Variants in TFR2 observed in about 807,000 individuals in gnomAD.
TFR2 encodes the protein transferrin receptor 2, also known as transferrin receptor protein 2.
TFR2 carries 64 observed loss-of-function variants against 91.9 expected under a neutral mutation model. The ratio of observed to expected loss-of-function variants is 0.70; its 90% CI spans 0.57 to 0.86. TFR2 has a LOEUF of 0.86. TFR2 is among the 40% of genes least tolerant of loss of function. The pLI is 0.00. For synonymous variants in TFR2, 454 were observed against 459.6 expected (o/e 0.99, Z 0.15); for missense variants, 950 against 1,080.5 (o/e 0.88, Z 1.69).
rs535869195 is a variant in TFR2 at position 100,629,365 on chromosome 7, G to A, written c.1278C>T (p.Tyr426=). 1.7e-5 allele frequency: 27 copies of A among 1,613,902 alleles called. No individual in the cohort carries two copies. Among genetic ancestry groups the A allele is most frequent in the South Asian group, 8.8e-5 (8 of 91,074 alleles). The change falls in exon 10 of 18, where the codon TAC becomes TAT. Residue 426 remains tyrosine, a synonymous_variant. Transcript: ENST00000223051. ...CIEGRSEPDH[Y]VVIGAQRDAW... ...CATCCCTCTGGGCCCCGATGACAACGTAGTGATCTGGGGAGGGGATGTTTG... is the reference window on the plus strand; with the variant it reads ...CATCCCTCTGGGCCCCGATGACAACATAGTGATCTGGGGAGGGGATGTTTG...
Position 100,631,852 on chromosome 7 carries a change from T to C in TFR2, c.1060A>G (p.Ile354Val). The C allele has an allele frequency of 6.2e-7, 1 of 1,613,788 alleles. No homozygotes were observed. The highest frequency in any genetic ancestry group is 2.2e-5 in the East Asian group (1 of 44,824). Residue 354 changes from isoleucine to valine, a missense_variant, in exon 8 of 18, where the codon ATC becomes GTC. Physicochemically the swap from Ile to Val is conservative, Grantham distance 29. Coordinates refer to ENST00000223051, the MANE Select transcript of TFR2 (RefSeq NM_003227.4). ...TCTGCACTGATGGGCTGGGCTGGGATGCTGGGAAGGCCTGATGATGCAACT... is the reference window on the plus strand; with the variant it reads ...TCTGCACTGATGGGCTGGGCTGGGACGCTGGGAAGGCCTGATGATGCAACT... ...PPVASSGLPSIPAQPISADIA... is the reference protein window; with the variant it reads ...PPVASSGLPSVPAQPISADIA...
At chr7:100,638,431 G>A (rs530548625) in intron 3 of TFR2, among the ~76,000 whole-genome samples, 1 of 151,804 alleles carries the variant, frequency 6.6e-6, no homozygotes, top group African/African-American at 2.4e-5. Flanking sequence ...GGGCAACATA[G>A]GGAGACCTCG....
In TFR2 at chr7:100,633,494, A is replaced by G; in HGVS notation, c.536T>C (p.Ile179Thr). 2 of 1,611,740 alleles carry G rather than the reference A, an allele frequency of 1.2e-6. No homozygotes were observed. The highest frequency in any genetic ancestry group is 1.7e-6 in the Non-Finnish European group (2 of 1,179,866). ...CTTCTGGCGGGAGAGCGCCGCGCGAATGTCCTGAGTCAGAGCGGCCATCCC... is the reference window on the plus strand; with the variant it reads ...CTTCTGGCGGGAGAGCGCCGCGCGAGTGTCCTGAGTCAGAGCGGCCATCCC... ...SAGMAALTQD[I>T]RAALSRQKLD... The change falls in exon 4 of 18, where the codon ATT becomes ACT. Residue 179 changes from isoleucine to threonine, a missense_variant. Physicochemically the swap from Ile to Thr is moderately conservative, Grantham distance 89. Transcript: ENST00000223051.
chr7:100,626,549 C>G, intron 17 of TFR2: 1 of 1,402,874 alleles, frequency 7.1e-7, no homozygotes, highest in Non-Finnish European at 9.3e-7. Flanking sequence ...GAGGCTGGCC[C>G]TCCCTGTCCA....
chr7:100,627,223 T>A (rs1451129667), intron 16 of TFR2, 41 bp downstream of exon 16: 1 of 1,535,628 alleles, frequency 6.5e-7, no homozygotes, highest in East Asian at 2.4e-5. Context: ...GGGCAGTGCC[T>A]CCCACTCCCA....
rs571430574 is a variant in TFR2 at position 100,621,138 on chromosome 7, G to T, written c.2137-12C>A. The T allele has an allele frequency of 7.3e-6, 11 of 1,503,728 alleles. No individual in the cohort carries two copies. Among genetic ancestry groups the T allele is most frequent in the East Asian group, 2.5e-5 (1 of 40,252 alleles). The allele number at this position is 1,503,728 out of a possible 1,614,324, so 93.1% of individuals were successfully genotyped here. ...AAGTAGAACTCCACCTGCGCAGAGAGGGGGATCAGGTCAGGGTTGGGGGCT... is the reference window on the plus strand; with the variant it reads ...AAGTAGAACTCCACCTGCGCAGAGATGGGGATCAGGTCAGGGTTGGGGGCT... On this transcript the variant is annotated splice_polypyrimidine_tract_variant and intron_variant, in intron 17 of 17. Coordinates refer to ENST00000223051, the MANE Select transcript of TFR2 (RefSeq NM_003227.4).
chr7:100,633,740 G>A, intron 3 of TFR2, 184 bp from the exon 4 acceptor site: 2 of 989,460 alleles, frequency 2.0e-6, no homozygotes, highest in Non-Finnish European at 1.4e-6. Context: ...ACGGAGTGTC[G>A]CTCTGTCGCC....
At chr7:100,639,636 C>G (rs1363486499) in intron 3 of TFR2, among the ~76,000 whole-genome samples, 2 of 151,522 alleles carry the variant, frequency 1.3e-5, no homozygotes, top group African/African-American at 4.8e-5. Context: ...CCATCTCCTA[C>G]TATCTGTAGC....
chr7:100,621,598 C>T (rs748366697), intron 17 of TFR2, among the ~76,000 whole-genome samples: 2 of 152,156 alleles, frequency 1.3e-5, no homozygotes, highest in African/African-American at 2.4e-5. Context: ...GTAGTTCTCC[C>T]GAGTCTTCCT....
At position 100,627,935 on chromosome 7, in the gene TFR2, G is replaced by A. The variant is rs1201178475; in HGVS notation, c.1577C>T (p.Thr526Ile). The change falls in exon 13 of 18, where the codon ACA becomes ATA. Residue 526 changes from threonine (T) to isoleucine (I), a missense_variant. By Grantham distance (89) the Thr-to-Ile change is moderately conservative. Coordinates refer to ENST00000223051, the MANE Select transcript of TFR2 (RefSeq NM_003227.4). The stretch of plus-strand genomic sequence containing the variant: ...CTTCAGGACACTCTCAATGAGACTT[G>A]TCAGAAGGGGGCTGGTCTTGGCATG... ...KFHAKTSPLL[T>I]SLIESVLKQV... is the part of the protein sequence containing the mutation. The A allele has an allele frequency of 1.2e-6, 2 of 1,613,910 alleles. No homozygotes were observed. Among genetic ancestry groups the A allele is most frequent in the African/African-American group, 2.7e-5 (2 of 74,896 alleles).
chr7:100,639,685 C>T (rs1349545134), intron 3 of TFR2: 1 of 152,004 alleles, frequency 6.6e-6, no homozygotes, highest in Non-Finnish European at 1.5e-5. Flanking sequence ...GGCGAATCCA[C>T]TGAAAAATTA....
chr7:100,627,887 T>G lies in TFR2; in HGVS notation c.1605+20A>C, dbSNP rs1391444609. The G allele has an allele frequency of 6.2e-7, 1 of 1,613,994 alleles. No homozygotes were observed. Among genetic ancestry groups the G allele is most frequent in the African/African-American group, 1.3e-5 (1 of 75,014 alleles). ...CCGCAACCTACTCCCCTTCACCCCC[T>G]ATTCCTGGGGTGCTCTTGCCTGCTT... is the stretch of plus-strand genomic sequence containing the variant. On this transcript the variant is annotated intron_variant, in intron 13 of 17. Transcript: ENST00000223051.
chr7:100,638,641 C>T (rs183788113), intron 3 of TFR2, among the ~76,000 whole-genome samples: 73 of 151,754 alleles, frequency 4.8e-4, no homozygotes, highest in African/African-American at 1.7e-3. Flanking sequence ...ATCCCAGCTA[C>T]TCGGGAGGCT....
At chr7:100,625,583 T>G (rs947718096) in intron 17 of TFR2, among the ~76,000 whole-genome samples, 2 of 151,790 alleles carry the variant, frequency 1.3e-5, no homozygotes, top group African/African-American at 4.8e-5. Flanking sequence ...GAGAAAGAGA[T>G]ATAAGAAGGA....
At chr7:100,634,072 T>C (rs1803526294) in intron 3 of TFR2, among the ~76,000 whole-genome samples, 1 of 151,996 alleles carries the variant, frequency 6.6e-6, no homozygotes, top group Non-Finnish European at 1.5e-5. Context: ...GACCTCACTC[T>C]GCTTAAAACC....
intron 8 of TFR2, 46 bp from the exon 9 acceptor site, chr7:100,631,098 G>A (rs765045495): frequency 1.7e-5 from 25 of 1,478,348 alleles, no homozygotes; most frequent in Non-Finnish European, 2.1e-5. Flanking sequence ...GAGAGACCCA[G>A]AAGAGTCCAA....
intron 9 of TFR2, among the ~76,000 whole-genome samples, chr7:100,630,071 G>A (rs965872704): frequency 2.0e-5 from 3 of 151,996 alleles, no homozygotes; most frequent in African/African-American, 7.2e-5. Flanking sequence ...AATTTTTTGT[G>A]AAGTCTTGGC....
At chr7:100,622,489 G>A (rs1479195559) in intron 17 of TFR2, among the ~76,000 whole-genome samples, 1 of 152,226 alleles carries the variant, frequency 6.6e-6, no homozygotes, top group East Asian at 1.9e-4. Flanking sequence ...GGTGAGCACA[G>A]GCTTTGAAGG....
At chr7:100,626,477 AG>A (rs1803253234) in intron 17 of TFR2, 2 of 484,196 alleles carry the variant, frequency 4.1e-6, no homozygotes, top group Non-Finnish European at 6.3e-6. Flanking sequence ...GTCAGCGGGG[AG>A]GGGTGGGGGA....
Sources: allele counts gnomAD v4.1 joint callset (sites outside exome capture counted in the v4.1 genomes callset), GRCh38; gene constraint gnomAD v4.1.1; transcripts MANE v1.5; gene names NCBI Gene and HGNC (gene_info 2026-07-23, HGNC 2026-07-21).